The following NRG1 variants were observed in gnomAD, a reference collection of about 807,000 sequenced individuals.
The protein encoded by NRG1 is pro-neuregulin-1, membrane-bound isoform.
In NRG1, 18 loss-of-function variants were observed where a neutral mutation model predicts 63.8. The observed-to-expected ratio is 0.28, with a 90% CI of 0.19 to 0.42. The LOEUF (loss-of-function observed/expected upper bound fraction) is 0.42, where lower values mean the gene tolerates loss of function less well. NRG1 is among the 10% of genes least tolerant of loss of function. NRG1 has a pLI of 1.00. For missense variants in NRG1, 762 were observed against 814.7 expected (o/e 0.94, Z 0.79); for synonymous variants, 302 against 301.3 (o/e 1.00, Z -0.02).
rs183761203 is a variant in NRG1 at position 32,383,693 on chromosome 8, C to G, written c.38-212135C>G. The stretch of plus-strand genomic sequence containing the variant: ...AGTATCTTTTTACTGCGCCACCTTA[C>G]GTTTCACTCAGACACCATCTGGTGA... On this transcript the variant is annotated intron_variant, in intron 1 of 10. Coordinates refer to the NRG1 transcript ENST00000519301. Among the ~76,000 whole-genome samples the G allele has an allele frequency of 2.2e-3, 336 of 152,322 alleles. 1 individual carries two copies. The highest frequency in any genetic ancestry group is 7.8e-3 in the African/African-American group (326 of 41,570).
chr8:31,996,582 A>T (rs145153155), intron 1 of NRG1, among the ~76,000 whole-genome samples: 40 of 151,742 alleles, frequency 2.6e-4, no homozygotes, highest in African/African-American at 6.3e-4. Context: ...AAAATAATTT[A>T]AAAAAAATTA....
chr8:32,692,307 A>G (rs573599778), intron 5 of NRG1, among the ~76,000 whole-genome samples: 1 of 152,330 alleles, frequency 6.6e-6, no homozygotes, highest in African/African-American at 2.4e-5. Context: ...ATGGATCATG[A>G]GTGAGTCAGT....
intron 1 of NRG1, among the ~76,000 whole-genome samples, chr8:31,716,198 C>A (rs1463054964): frequency 6.6e-6 from 1 of 152,172 alleles, no homozygotes; most frequent in East Asian, 1.9e-4. Context: ...TAGCATCAGG[C>A]AGCTGCTTTA....
At chr8:31,692,595 C>A (rs1809636651) in intron 1 of NRG1, among the ~76,000 whole-genome samples, 1 of 152,176 alleles carries the variant, frequency 6.6e-6, no homozygotes, top group South Asian at 2.1e-4. Context: ...GTGGCAATAA[C>A]TATAAACTTG....
chr8:32,010,785 T>C (rs917029919), intron 1 of NRG1, among the ~76,000 whole-genome samples: 1 of 152,088 alleles, frequency 6.6e-6, no homozygotes, highest in African/African-American at 2.4e-5. Flanking sequence ...TAGGTGGGCC[T>C]GGTGTTACAT....
At chr8:32,447,015 A>ATTTATTTAT (rs1820340587) in intron 1 of NRG1, among the ~76,000 whole-genome samples, 1 of 150,782 alleles carries the variant, frequency 6.6e-6, no homozygotes, top group Non-Finnish European at 1.5e-5. Context: ...TTATTTATTT[A>ATTTATTTAT]TTTATTTATT....
intron 1 of NRG1, among the ~76,000 whole-genome samples, chr8:32,155,422 T>C (rs1470719032): frequency 6.6e-6 from 1 of 152,190 alleles, no homozygotes; most frequent in Non-Finnish European, 1.5e-5. Flanking sequence ...TTTTCCAAGA[T>C]GAAAGGGAGA....
At chr8:32,590,700 T>C (rs1440174419) in intron 1 of NRG1, among the ~76,000 whole-genome samples, 1 of 152,146 alleles carries the variant, frequency 6.6e-6, no homozygotes, top group Non-Finnish European at 1.5e-5. Context: ...GAGTAAACCA[T>C]ATGCCTGAGA....
At chr8:32,302,032 G>A (rs1449225122) in intron 1 of NRG1, among the ~76,000 whole-genome samples, 1 of 152,174 alleles carries the variant, frequency 6.6e-6, no homozygotes, top group Non-Finnish European at 1.5e-5. Context: ...CCCATTGTCT[G>A]ACATTCTGTC....
At chr8:31,832,594 G>T (rs1301473620) in intron 1 of NRG1, among the ~76,000 whole-genome samples, 2 of 152,002 alleles carry the variant, frequency 1.3e-5, no homozygotes, top group Admixed American at 6.6e-5. Flanking sequence ...GAGAATGGCT[G>T]CAATTTAGGG....
At chr8:32,744,416 A>G (rs547521947) in intron 7 of NRG1, among the ~76,000 whole-genome samples, 34 of 152,242 alleles carry the variant, frequency 2.2e-4, no homozygotes, top group African/African-American at 7.5e-4. Flanking sequence ...ATATGCATTT[A>G]GTAGGGAGAA....
At chr8:32,683,626 T>A (rs922144577) in intron 5 of NRG1, among the ~76,000 whole-genome samples, 2 of 152,160 alleles carry the variant, frequency 1.3e-5, no homozygotes, top group African/African-American at 4.8e-5. Flanking sequence ...TGCTAATTCA[T>A]CCTAATGTTT....
intron 6 of NRG1, among the ~76,000 whole-genome samples, chr8:32,740,455 C>G (rs895338600): frequency 3.9e-5 from 6 of 152,094 alleles, no homozygotes; most frequent in African/African-American, 1.4e-4. Context: ...CCTCAGCCTC[C>G]CAAAGTGCTA....
chr8:32,735,458 A>G (rs542806494), intron 6 of NRG1, among the ~76,000 whole-genome samples: 26 of 152,328 alleles, frequency 1.7e-4, no homozygotes, highest in African/African-American at 6.0e-4. Flanking sequence ...ATTTATATTG[A>G]ATGATTTAAG....
intron 5 of NRG1, among the ~76,000 whole-genome samples, chr8:32,630,175 C>G (rs916251022): frequency 5.9e-5 from 9 of 152,152 alleles, no homozygotes; most frequent in African/African-American, 2.2e-4. Context: ...TTCTTGTGAC[C>G]TCTATGCTAC....
intron 1 of NRG1, among the ~76,000 whole-genome samples, chr8:31,691,792 C>A (rs1434956410): frequency 6.6e-6 from 1 of 151,996 alleles, no homozygotes; most frequent in Non-Finnish European, 1.5e-5. Context: ...CCCTTCTCTA[C>A]AGAGATGAAT....
intron 1 of NRG1, among the ~76,000 whole-genome samples, chr8:32,517,174 G>T (rs1829907005): frequency 1.3e-5 from 2 of 152,098 alleles, no homozygotes; most frequent in African/African-American, 2.4e-5. Context: ...GCCTAAGTGA[G>T]TTCTTTGTTT....
intron 1 of NRG1, among the ~76,000 whole-genome samples, chr8:32,427,885 G>A (rs1200082958): frequency 6.6e-6 from 1 of 152,220 alleles, no homozygotes; most frequent in Non-Finnish European, 1.5e-5. Flanking sequence ...CCCTGCAAAC[G>A]TTTTCTTCCA....
intron 1 of NRG1, among the ~76,000 whole-genome samples, chr8:32,114,308 A>T (rs145240883): frequency 1.8e-4 from 27 of 152,338 alleles, no homozygotes; most frequent in Non-Finnish European, 3.2e-4. Context: ...GGTCTCACCC[A>T]GGAAAGTGGG....
Sources: gnomAD v4.1 joint callset for allele counts (sites outside exome capture counted in the v4.1 genomes callset) on GRCh38, gnomAD v4.1.1 for gene constraint, MANE v1.5 for transcripts, NCBI Gene and HGNC (gene_info 2026-07-23, HGNC 2026-07-21) for gene names.